Variants in NKIRAS1 observed in about 807,000 individuals in gnomAD.
The protein encoded by NKIRAS1 is NF-kappa-B inhibitor-interacting Ras-like protein 1.
Under a neutral mutation model 19.8 loss-of-function variants are expected in NKIRAS1, and 16 were observed. The ratio of observed to expected loss-of-function variants is 0.81; its 90% CI spans 0.55 to 1.23. NKIRAS1 has a LOEUF of 1.23. Among genes scored for constraint, NKIRAS1 ranks in the 50% most tolerant of loss-of-function variants. NKIRAS1 has a pLI of 0.00. For missense variants in NKIRAS1, 184 were observed against 220.0 expected, an observed-to-expected ratio of 0.84 and a Z score of 1.04; for synonymous variants, 88 against 79.0, an observed-to-expected ratio of 1.11 and a Z score of -0.61.
chr3:23,929,880 C>T (rs1052968336), intron 1 of NKIRAS1, among the ~76,000 whole-genome samples: 6 of 152,086 alleles, frequency 3.9e-5, no homozygotes, highest in African/African-American at 1.4e-4. Context: ...AATCCCATTA[C>T]TCAGAGAGAA....
chr3:23,900,853 C>T lies in NKIRAS1; in HGVS notation c.291G>A (p.Val97=), dbSNP rs1360027808. ...SVNNLESFQR[V]ELLKKEIDKF... is the part of the protein sequence containing the mutation. ...TATCGATTTCTTTCTTCAGAAGCTCCACTCTTTGAAAGGATTCAAGGTTAT... is the reference window on the plus strand; with the variant it reads ...TATCGATTTCTTTCTTCAGAAGCTCTACTCTTTGAAAGGATTCAAGGTTAT... The change falls in exon 4 of 5, where the codon GTG becomes GTA. Residue 97 remains valine, a synonymous_variant. Transcript: ENST00000425478. 1.9e-6 allele frequency: 3 copies of T among 1,613,720 alleles called. No homozygotes were observed. The highest frequency in any genetic ancestry group is 2.7e-5 in the African/African-American group (2 of 74,944).
chr3:23,938,637 T>C (rs1410150890), intron 1 of NKIRAS1, among the ~76,000 whole-genome samples: 2 of 152,234 alleles, frequency 1.3e-5, no homozygotes, highest in Non-Finnish European at 2.9e-5. Flanking sequence ...TCTTATGCTA[T>C]TCAAGATATG....
intron 1 of NKIRAS1, among the ~76,000 whole-genome samples, chr3:23,925,843 T>C (rs1193730876): frequency 2.0e-5 from 3 of 152,172 alleles, no homozygotes; most frequent in African/African-American, 4.8e-5. Flanking sequence ...AAAAATACTT[T>C]AGCTGTATGC....
At chr3:23,914,301 A>T (rs1447600365) in intron 1 of NKIRAS1, among the ~76,000 whole-genome samples, 2 of 152,188 alleles carry the variant, frequency 1.3e-5, no homozygotes, top group African/African-American at 4.8e-5. Flanking sequence ...TCTTCTATGT[A>T]AGTGGGCCAT....
chr3:23,945,991 C>A, intron 1 of NKIRAS1: 1 of 566,430 alleles, frequency 1.8e-6, no homozygotes, highest in Non-Finnish European at 2.2e-6. Context: ...GGCTCCCTGA[C>A]CCACATTCCC....
intron 1 of NKIRAS1, among the ~76,000 whole-genome samples, chr3:23,929,000 A>AG (rs1491314794): frequency 3.1e-4 from 21 of 68,176 alleles, no homozygotes; most frequent in African/African-American, 1.0e-3. Flanking sequence ...CCATCTCTTT[A>AG]AAAAAAAAAA....
In NKIRAS1 at chr3:23,910,814, T is replaced by C. The variant is rs550963927; in HGVS notation, c.91A>G (p.Ile31Val). The change falls in exon 3 of 5, where the codon ATT (isoleucine) becomes GTT (valine). Residue 31 changes from isoleucine to valine, a missense_variant. Coordinates refer to ENST00000425478, the MANE Select transcript of NKIRAS1 (RefSeq NM_020345.4). ...LEQLLYGNHTIGMEDCETMED... is the reference protein window; with the variant it reads ...LEQLLYGNHTVGMEDCETMED... ...AACTAGAGAAAAACAATCTTACCAA[T>C]AGTATGATTTCCATAAAGGAGCTGC... 110 of 1,609,030 alleles carry C rather than the reference T, an allele frequency of 6.8e-5. 1 individual carries two copies. In the East Asian group the frequency reaches 1.2e-3, roughly 17 times the overall value.
intron 4 of NKIRAS1, among the ~76,000 whole-genome samples, chr3:23,894,042 T>C (rs974755503): frequency 1.3e-5 from 2 of 151,880 alleles, no homozygotes; most frequent in African/African-American, 2.4e-5. Flanking sequence ...ACAGGAATTG[T>C]TGTGTTCACA....
At chr3:23,913,586 C>A (rs576405635) in intron 1 of NKIRAS1, among the ~76,000 whole-genome samples, 5 of 152,246 alleles carry the variant, frequency 3.3e-5, no homozygotes, top group African/African-American at 9.6e-5. Context: ...TATAAATGAT[C>A]GCTATGGCAG....
At chr3:23,896,813 TAA>T (rs78648312) in intron 4 of NKIRAS1, among the ~76,000 whole-genome samples, 2 of 137,528 alleles carry the variant, frequency 1.5e-5, no homozygotes. Flanking sequence ...TCTCTACAAT[TAA>T]AAAAAAAAAA....
intron 1 of NKIRAS1, chr3:23,945,586 T>C (rs1290625770): frequency 9.7e-5 from 113 of 1,168,226 alleles, no homozygotes; most frequent in Non-Finnish European, 1.2e-4. Flanking sequence ...ACCATGGAGG[T>C]GAATGCAGGT....
intron 3 of NKIRAS1, among the ~76,000 whole-genome samples, chr3:23,902,013 G>A (rs1346636314): frequency 6.6e-6 from 1 of 152,182 alleles, no homozygotes; most frequent in Non-Finnish European, 1.5e-5. Context: ...GGCAGAGGTT[G>A]CAGTGAGCCG....
chr3:23,945,833 C>A (rs1045371185), intron 1 of NKIRAS1, among the ~76,000 whole-genome samples: 26 of 150,886 alleles, frequency 1.7e-4, no homozygotes, highest in East Asian at 1.6e-3. Context: ...CGGCCCCCCC[C>A]TCACATGGCC....
upstream of NKIRAS1, chr3:23,917,783 T>G: frequency 3.4e-6 from 5 of 1,462,778 alleles, no homozygotes; most frequent in Non-Finnish European, 4.6e-6. Flanking sequence ...GGAACTAAGA[T>G]GGACGGATAC....
In NKIRAS1 at chr3:23,891,365, A is replaced by ATTC. The variant is rs1701450191; in HGVS notation, c.*1727_*1729dup. Reference sequence around the variant, plus strand: ...TTTGCCTTTTGGTTGCCATTCGCAGATTCTTCTGAAATCGATAGGTATCTG... The same window carrying ATTC: ...TTTGCCTTTTGGTTGCCATTCGCAGATTCTTCTTCTGAAATCGATAGGTATCTG... On this transcript the variant is annotated 3_prime_UTR_variant, in exon 5 of 5. Transcript: ENST00000425478. 6.6e-6 allele frequency: 1 copy of ATTC among 152,200 alleles called. No homozygotes were observed. The highest frequency in any genetic ancestry group is 2.4e-5 in the African/African-American group (1 of 41,452). The allele number at this position is 152,200 out of a possible 1,614,324, so 9.4% of individuals were successfully genotyped here.
intron 1 of NKIRAS1, chr3:23,945,536 T>G: frequency 2.7e-6 from 3 of 1,126,360 alleles, no homozygotes. Context: ...CGCTGCCCCC[T>G]CTGCGGGAAG....
intron 1 of NKIRAS1, among the ~76,000 whole-genome samples, chr3:23,940,592 T>A (rs900823955): frequency 6.6e-6 from 1 of 152,174 alleles, no homozygotes; most frequent in African/African-American, 2.4e-5. Context: ...GATGTAATAG[T>A]GGAATGTGTT....
chr3:23,908,428 T>C (rs74882166), intron 3 of NKIRAS1, among the ~76,000 whole-genome samples: 2,269 of 152,302 alleles, frequency 0.015, 68 homozygotes, highest in African/African-American at 0.053. Flanking sequence ...TACATATCTG[T>C]GTGCGGCTGG....
chr3:23,918,929 T>C (rs1704890861), upstream of NKIRAS1: 7 of 531,166 alleles, frequency 1.3e-5, no homozygotes, highest in South Asian at 2.0e-4. Flanking sequence ...CCCTAAATTT[T>C]GTTACCCAGA....
Sources: gnomAD v4.1 joint callset for allele counts (sites outside exome capture counted in the v4.1 genomes callset) on GRCh38, gnomAD v4.1.1 for gene constraint, MANE v1.5 for transcripts, NCBI Gene and HGNC (gene_info 2026-07-23, HGNC 2026-07-21) for gene names.